Variants in ARHGAP42 observed in about 807,000 individuals in gnomAD.
The protein encoded by ARHGAP42 is rho GTPase-activating protein 42.
ARHGAP42 carries 63 observed loss-of-function variants against 125.0 expected under a neutral mutation model. The observed-to-expected ratio is 0.50, with a 90% CI of 0.41 to 0.62. ARHGAP42 has a LOEUF of 0.62. Ranked by LOEUF, ARHGAP42 falls within the 20% of genes least tolerant of loss-of-function variation. The probability of loss-of-function intolerance (pLI) is 0.00; values close to 1 mark genes in which losing one functional copy is unlikely to be tolerated. For missense variants in ARHGAP42, 766 were observed against 1,024.2 expected, an observed-to-expected ratio of 0.75 and a Z score of 3.44; for synonymous variants, 339 against 351.0, an observed-to-expected ratio of 0.97 and a Z score of 0.38.
intron 1 of ARHGAP42, among the ~76,000 whole-genome samples, chr11:100,704,208 A>C (rs1486422346): frequency 5.3e-5 from 8 of 152,192 alleles, no homozygotes; most frequent in Admixed American, 1.3e-4. Context: ...AGATATGTGG[A>C]TGGTGCCCTA....
Position 100,961,693 on chromosome 11 carries a change from C to T in ARHGAP42, c.1310C>T (p.Ser437Phe). 6.4e-7 allele frequency: 1 copy of T among 1,551,302 alleles called. No homozygotes were observed. Among genetic ancestry groups the T allele is most frequent in the Non-Finnish European group, 8.7e-7 (1 of 1,146,638 alleles). Residue 437 changes from serine (S) to phenylalanine (F), a missense_variant, in exon 15 of 24, where the codon TCC becomes TTC. Coordinates refer to ENST00000298815, the MANE Select transcript of ARHGAP42 (RefSeq NM_152432.4). ...KLMNTTFSPK[S>F]PPDIDIDIEL... ...GTTTTATTCTTTCCAGCTCCTAAAT[C>T]CCCTCCTGATATTGATATTGATATT...
rs1862847212 is a variant in ARHGAP42, at chr11:100,767,106, A to T, written c.155-3237A>T. The stretch of plus-strand genomic sequence containing the variant: ...CCTGAGCACTTTCCAAGGTTATGTA[A>T]GCTCCAAGAGTTGCCATCTTCATAA... On this transcript the variant is annotated intron_variant, in intron 1 of 23. Transcript: ENST00000298815. 2.0e-5 allele frequency among the ~76,000 whole-genome samples: 3 copies of T among 152,212 alleles called. No homozygotes were observed. The South Asian group carries it at 6.2e-4, about 32-fold the overall frequency.
intron 5 of ARHGAP42, among the ~76,000 whole-genome samples, chr11:100,915,380 A>G (rs1159705367): frequency 2.0e-5 from 3 of 152,156 alleles, no homozygotes; most frequent in Non-Finnish European, 4.4e-5. Flanking sequence ...TCACCAGTAC[A>G]TCATCATCTA....
In ARHGAP42 at chr11:100,790,633, T is replaced by A. The variant is rs535078805; in HGVS notation, c.251-4472T>A. On this transcript the variant is annotated intron_variant, in intron 2 of 23. Transcript: ENST00000298815. ...TCATAATATTTCATGAATCCTAGAATAAGAGTTGGTATGTTTCTCCTTGTA... is the reference window on the plus strand; with the variant it reads ...TCATAATATTTCATGAATCCTAGAAAAAGAGTTGGTATGTTTCTCCTTGTA... Among the ~76,000 whole-genome samples, 11 of 152,266 alleles carry A rather than the reference T, an allele frequency of 7.2e-5. No individual in the cohort carries two copies. In the South Asian group the frequency reaches 8.3e-4, roughly 11 times the overall value.
intron 3 of ARHGAP42, among the ~76,000 whole-genome samples, chr11:100,835,457 A>C (rs748630497): frequency 6.6e-6 from 1 of 152,080 alleles, no homozygotes; most frequent in Non-Finnish European, 1.5e-5. Context: ...GGTGGTACTC[A>C]TTCTTAAATA....
chr11:100,989,120 C>T lies in ARHGAP42; in HGVS notation c.*319C>T. On this transcript the variant is annotated 3_prime_UTR_variant, in exon 24 of 24. Transcript: ENST00000298815. ...AAATACTGTGTTAAATACTGTATCC[C>T]AGAAATTTGGAAACCAGAAATCTGC... The T allele has an allele frequency of 2.5e-6, 1 of 402,624 alleles. No homozygotes were observed. Among genetic ancestry groups the T allele is most frequent in the Non-Finnish European group, 4.4e-6 (1 of 228,158 alleles). The allele number at this position is 402,624 out of a possible 1,614,324, so 24.9% of individuals were successfully genotyped here. A position where few individuals can be genotyped will look rare whatever the true frequency, so the allele number is the denominator to read the frequency against.
Position 100,976,977 on chromosome 11 carries a change from T to G in ARHGAP42, c.2393+6T>G. Reference sequence around the variant, plus strand: ...TATCAGCGGCCTGGCTCAGTGTAAGTGAGCGTTTGTATATTTGCTGTGTCT... The same window carrying G: ...TATCAGCGGCCTGGCTCAGTGTAAGGGAGCGTTTGTATATTTGCTGTGTCT... On this transcript the variant is annotated splice_donor_region_variant and intron_variant, in intron 21 of 23. Coordinates refer to ENST00000298815, the MANE Select transcript of ARHGAP42 (RefSeq NM_152432.4). 1 of 1,551,180 alleles carries G rather than the reference T, an allele frequency of 6.4e-7. No individual in the cohort carries two copies. The highest frequency in any genetic ancestry group is 1.2e-5 in the South Asian group (1 of 84,034).
intron 4 of ARHGAP42, among the ~76,000 whole-genome samples, chr11:100,876,415 GT>G (rs34720514): frequency 0.1 from 15,785 of 152,148 alleles, 833 homozygotes; most frequent in African/African-American, 0.12. Context: ...AGAAGGTCAG[GT>G]AAAAACACTT....
At chr11:100,703,480 GTTA>G (rs1238084709) in intron 1 of ARHGAP42, among the ~76,000 whole-genome samples, 1 of 152,028 alleles carries the variant, frequency 6.6e-6, no homozygotes, top group Non-Finnish European at 1.5e-5. Context: ...TCTTGTCAAT[GTTA>G]TTATCATATT....
chr11:100,841,164 ATTCAAGTAC>A (rs1864938466), intron 3 of ARHGAP42, among the ~76,000 whole-genome samples: 1 of 152,222 alleles, frequency 6.6e-6, no homozygotes, highest in African/African-American at 2.4e-5. Flanking sequence ...ACTCAGGTTA[ATTCAAGTAC>A]AAAAATCCTT....
At chr11:100,937,484 A>G (rs1306404855) in intron 8 of ARHGAP42, among the ~76,000 whole-genome samples, 1 of 152,116 alleles carries the variant, frequency 6.6e-6, no homozygotes, top group Non-Finnish European at 1.5e-5. Context: ...ATTTTTGAGT[A>G]TTTAAATGAT....
intron 16 of ARHGAP42, among the ~76,000 whole-genome samples, chr11:100,963,712 A>T (rs1858016547): frequency 2.0e-5 from 3 of 152,296 alleles, no homozygotes; most frequent in South Asian, 4.1e-4. Flanking sequence ...GGACCAGAAA[A>T]AATATATAAT....
At position 100,832,130 on chromosome 11, in the gene ARHGAP42, C is replaced by T. The variant is rs546827929; in HGVS notation, c.313-27424C>T. ...TGCCAGAGATGGCTTTGTGAGCCCA[C>T]GCCAGGCTGTTGAGCAATGGCATCC... is the stretch of plus-strand genomic sequence containing the variant. On this transcript the variant is annotated intron_variant, in intron 3 of 23. Coordinates refer to ENST00000298815, the MANE Select transcript of ARHGAP42 (RefSeq NM_152432.4). 6.6e-5 allele frequency among the ~76,000 whole-genome samples: 10 copies of T among 152,336 alleles called. No homozygotes were observed. The East Asian group carries it at 7.7e-4, about 12-fold the overall frequency.
At chr11:100,839,947 C>T (rs1302846793) in intron 3 of ARHGAP42, 1 of 152,120 alleles carries the variant, frequency 6.6e-6, no homozygotes, top group African/African-American at 2.4e-5. Flanking sequence ...GACTGTAGTG[C>T]CAGACCATAC....
chr11:100,721,331 C>A (rs1157284934), intron 1 of ARHGAP42, among the ~76,000 whole-genome samples: 1 of 152,124 alleles, frequency 6.6e-6, no homozygotes, highest in Non-Finnish European at 1.5e-5. Context: ...CTGCTTCTAT[C>A]GTTTTGCCTT....
intron 10 of ARHGAP42, among the ~76,000 whole-genome samples, chr11:100,944,095 AT>A (rs1468263898): frequency 6.6e-6 from 1 of 152,104 alleles, no homozygotes; most frequent in Non-Finnish European, 1.5e-5. Context: ...AATCTGAAAA[AT>A]CAATATAAAT....
intron 4 of ARHGAP42, among the ~76,000 whole-genome samples, chr11:100,871,823 A>G (rs1865703531): frequency 6.6e-6 from 1 of 152,124 alleles, no homozygotes; most frequent in African/African-American, 2.4e-5. Flanking sequence ...GGCTCACCGC[A>G]ACCTCTGCCT....
intron 4 of ARHGAP42, among the ~76,000 whole-genome samples, chr11:100,877,713 G>A (rs1238931447): frequency 6.6e-6 from 1 of 152,134 alleles, no homozygotes; most frequent in African/African-American, 2.4e-5. Context: ...TGACAGTTAA[G>A]AGGTGTTACC....
At position 100,712,515 on chromosome 11, in the gene ARHGAP42, C is replaced by A. The variant is rs564578634; in HGVS notation, c.154+24683C>A. Among the ~76,000 whole-genome samples the A allele has an allele frequency of 6.6e-4, 101 of 152,218 alleles. 1 individual carries two copies. The highest frequency in any genetic ancestry group is 2.1e-3 in the South Asian group (10 of 4,826). ...GGGTGGTGATATTAAAGATATTTTT[C>A]TTCCTCCCCCCTTCTCCCCCCAGAA... On this transcript the variant is annotated intron_variant, in intron 1 of 23. Coordinates refer to ENST00000298815, the MANE Select transcript of ARHGAP42 (RefSeq NM_152432.4).
Sources: allele counts gnomAD v4.1 joint callset (sites outside exome capture counted in the v4.1 genomes callset), GRCh38; gene constraint gnomAD v4.1.1; transcripts MANE v1.5; gene names NCBI Gene and HGNC (gene_info 2026-07-23, HGNC 2026-07-21).